Variants in ANK2 observed in about 807,000 individuals in gnomAD.
ANK2 encodes ankyrin 2.
ANK2 carries 83 observed loss-of-function variants against 360.5 expected under a neutral mutation model. The observed-to-expected ratio is 0.23, with a 90% CI of 0.19 to 0.28. The LOEUF (loss-of-function observed/expected upper bound fraction) is 0.28, where lower values mean the gene tolerates loss of function less well. Ranked by LOEUF, ANK2 falls within the 10% of genes least tolerant of loss-of-function variation. The pLI is 1.00. For missense variants in ANK2, 4,201 were observed against 4,795.7 expected, an observed-to-expected ratio of 0.88 and a Z score of 3.66; for synonymous variants, 1,740 against 1,759.5, an observed-to-expected ratio of 0.99 and a Z score of 0.28.
At chr4:112,941,936 G>T (rs901729768) in intron 2 of ANK2, among the ~76,000 whole-genome samples, 5 of 150,844 alleles carry the variant, frequency 3.3e-5, no homozygotes, top group Non-Finnish European at 7.4e-5. Context: ...TTGTTATAAA[G>T]ATTAAATAAA....
chr4:112,875,669 C>A (rs990717898), intron 1 of ANK2, among the ~76,000 whole-genome samples: 1 of 151,878 alleles, frequency 6.6e-6, no homozygotes, highest in Non-Finnish European at 1.5e-5. Flanking sequence ...GTAATCATTA[C>A]AGCAAATGTG....
chr4:112,976,297 G>T (rs374465616), intron 2 of ANK2, among the ~76,000 whole-genome samples: 9 of 151,960 alleles, frequency 5.9e-5, no homozygotes, highest in African/African-American at 2.2e-4. Flanking sequence ...AGGTTCAAGC[G>T]ATTGTCCTGC....
chr4:113,109,461 C>T (rs1312755374), intron 1 of ANK2, among the ~76,000 whole-genome samples: 1 of 152,084 alleles, frequency 6.6e-6, no homozygotes, highest in East Asian at 1.9e-4. Flanking sequence ...CTGAAGGTCT[C>T]GTTATTTATT....
upstream of ANK2, among the ~76,000 whole-genome samples, chr4:113,044,780 A>G (rs987139663): frequency 3.3e-5 from 5 of 152,032 alleles, no homozygotes; most frequent in Non-Finnish European, 5.9e-5. Context: ...CTCCTCTTAT[A>G]AGGACACCTG....
chr4:113,272,109 G>A (rs1244763356), intron 14 of ANK2, among the ~76,000 whole-genome samples: 1 of 152,180 alleles, frequency 6.6e-6, no homozygotes, highest in Non-Finnish European at 1.5e-5. Flanking sequence ...GTGGCTCCTG[G>A]GAACCCTGTT....
chr4:112,814,505 G>A (rs1025716186), upstream of ANK2, among the ~76,000 whole-genome samples: 4 of 152,194 alleles, frequency 2.6e-5, no homozygotes, highest in Admixed American at 2.6e-4. Flanking sequence ...GGAGTGCAGT[G>A]GCATGATTGT....
chr4:112,963,124 G>C lies in ANK2; in HGVS notation c.21+58610G>C, dbSNP rs561221703. 5.3e-5 allele frequency among the ~76,000 whole-genome samples: 8 copies of C among 152,136 alleles called. No individual in the cohort carries two copies. The East Asian group carries it at 1.5e-3, about 29-fold the overall frequency. The stretch of plus-strand genomic sequence containing the variant: ...CTGACCCCATTGTCGTGGTGATATG[G>C]TTCAGCCTTCTAAGTGATTTCAAGC... On this transcript the variant is annotated intron_variant, in intron 2 of 30. Coordinates refer to the ANK2 transcript ENST00000503271.
chr4:112,760,979 G>A, the ANK2 span, among the ~76,000 whole-genome samples: 1 of 151,330 alleles, frequency 6.6e-6, no homozygotes, highest in Admixed American at 6.6e-5. Flanking sequence ...GCTAATTTTT[G>A]TATTTTATTA....
At chr4:113,207,779 C>A (rs1185578280) in intron 4 of ANK2, among the ~76,000 whole-genome samples, 1 of 151,890 alleles carries the variant, frequency 6.6e-6, no homozygotes, top group African/African-American at 2.4e-5. Context: ...CACGCACTCA[C>A]TCACTCAGCA....
At chr4:112,746,549 TA>T in the ANK2 span, among the ~76,000 whole-genome samples, 1 of 151,044 alleles carries the variant, frequency 6.6e-6, no homozygotes, top group African/African-American at 2.4e-5. Context: ...CCTTTTTGAA[TA>T]CAGACCTCCT....
chr4:113,250,188 C>T (rs1005941097), intron 10 of ANK2, among the ~76,000 whole-genome samples: 2 of 152,140 alleles, frequency 1.3e-5, no homozygotes, highest in Admixed American at 6.5e-5. Context: ...TTATGATTCT[C>T]TCAGATGACT....
chr4:112,931,423 T>C (rs1368440740), intron 2 of ANK2, among the ~76,000 whole-genome samples: 1 of 148,848 alleles, frequency 6.7e-6, no homozygotes, highest in Non-Finnish European at 1.5e-5. Flanking sequence ...TTCAAAGATT[T>C]CTTTCTTTTC....
chr4:113,170,550 A>G (rs1173408050), intron 1 of ANK2, among the ~76,000 whole-genome samples: 1 of 152,162 alleles, frequency 6.6e-6, no homozygotes, highest in Admixed American at 6.6e-5. Flanking sequence ...ATATGCTAAT[A>G]TTTTCTTTAT....
At chr4:112,862,784 G>T (rs2068571693) in intron 1 of ANK2, among the ~76,000 whole-genome samples, 1 of 151,796 alleles carries the variant, frequency 6.6e-6, no homozygotes, top group Admixed American at 6.6e-5. Context: ...AATTAAGCTG[G>T]GTGTGCATGC....
chr4:112,895,568 G>A (rs1210119311), intron 1 of ANK2, among the ~76,000 whole-genome samples: 1 of 151,694 alleles, frequency 6.6e-6, no homozygotes, highest in Non-Finnish European at 1.5e-5. Context: ...TTTTTTTAAT[G>A]CTCCACTGAG....
the ANK2 span, among the ~76,000 whole-genome samples, chr4:112,719,308 T>C: frequency 1.3e-5 from 2 of 152,198 alleles, no homozygotes; most frequent in Admixed American, 6.5e-5. Context: ...CCAGGTATCA[T>C]GTTGGGGCCT....
At chr4:112,745,844 A>G in the ANK2 span, among the ~76,000 whole-genome samples, 1 of 151,748 alleles carries the variant, frequency 6.6e-6, no homozygotes, top group African/African-American at 2.4e-5. Flanking sequence ...CAATTACTAG[A>G]TCTTATTCAT....
intron 8 of ANK2, among the ~76,000 whole-genome samples, chr4:113,241,576 G>T (rs749045351): frequency 6.6e-6 from 1 of 152,268 alleles, no homozygotes; most frequent in Non-Finnish European, 1.5e-5. Context: ...CTGGCTTCAA[G>T]CAATCCTCCC....
intron 1 of ANK2, among the ~76,000 whole-genome samples, chr4:113,155,695 A>G (rs1256529895): frequency 6.6e-6 from 1 of 152,180 alleles, no homozygotes. Flanking sequence ...GTGGAACTTC[A>G]TACTTTTTGA....
Sources: gnomAD v4.1 joint callset for allele counts (sites outside exome capture counted in the v4.1 genomes callset) on GRCh38, gnomAD v4.1.1 for gene constraint, MANE v1.5 for transcripts, NCBI Gene and HGNC (gene_info 2026-07-23, HGNC 2026-07-21) for gene names.